BACH2: variants seen among roughly 807,000 people sequenced by gnomAD.
The protein encoded by BACH2 is BACH transcriptional regulator 2, also known as transcription regulator protein BACH2.
Under a neutral mutation model 61.8 loss-of-function variants are expected in BACH2, and 5 were observed. The observed-to-expected ratio is 0.08, with a 90% confidence interval of 0.04 to 0.17. BACH2 has a LOEUF of 0.17. BACH2 is among the 10% of genes least tolerant of loss of function. BACH2 has a pLI of 1.00. For synonymous variants in BACH2, 446 were observed against 440.1 expected (o/e 1.01, Z -0.17); for missense variants, 824 against 1,091.1 (o/e 0.76, Z 3.45).
At chr6:90,128,739 G>C (rs1242899231) in intron 4 of BACH2, among the ~76,000 whole-genome samples, 1 of 152,178 alleles carries the variant, frequency 6.6e-6, no homozygotes, top group Non-Finnish European at 1.5e-5. Flanking sequence ...TATAAACCAT[G>C]CTGCTATAAA....
At chr6:89,955,440 TGAGGGG>T (rs1314641947) in intron 6 of BACH2, among the ~76,000 whole-genome samples, 1 of 152,222 alleles carries the variant, frequency 6.6e-6, no homozygotes, top group African/African-American at 2.4e-5. Flanking sequence ...CTACTGAGGC[TGAGGGG>T]ACTAGCAAGG....
intron 6 of BACH2, among the ~76,000 whole-genome samples, chr6:89,982,106 G>C (rs1044140116): frequency 1.3e-5 from 2 of 152,204 alleles, no homozygotes; most frequent in Non-Finnish European, 2.9e-5. Context: ...AAAGTGTTGG[G>C]ATTACAGGTG....
At chr6:90,251,240 C>T (rs1770798723) in intron 3 of BACH2, among the ~76,000 whole-genome samples, 1 of 151,770 alleles carries the variant, frequency 6.6e-6, no homozygotes, top group African/African-American at 2.4e-5. Context: ...CAGTGTTGAA[C>T]AAACTGCTTT....
chr6:90,046,680 GGA>G (rs1779793250), intron 5 of BACH2, among the ~76,000 whole-genome samples: 1 of 152,192 alleles, frequency 6.6e-6, no homozygotes, highest in Admixed American at 6.5e-5. Flanking sequence ...GGAGCACACT[GGA>G]GAGTTGATTC....
intron 6 of BACH2, among the ~76,000 whole-genome samples, chr6:89,968,586 A>G (rs186010945): frequency 7.4e-4 from 113 of 152,382 alleles, no homozygotes; most frequent in African/African-American, 2.0e-3. Context: ...GGCTAAAGCC[A>G]TAAGTATTTT....
At chr6:90,265,765 C>T (rs1389035195) in intron 2 of BACH2, among the ~76,000 whole-genome samples, 2 of 152,114 alleles carry the variant, frequency 1.3e-5, no homozygotes, top group African/African-American at 4.8e-5. Flanking sequence ...TCTGCATTAT[C>T]AACTCATTTT....
chr6:90,132,589 T>C (rs1250919214), intron 4 of BACH2, among the ~76,000 whole-genome samples: 4 of 152,132 alleles, frequency 2.6e-5, no homozygotes, highest in Non-Finnish European at 5.9e-5. Context: ...ACTCTTACAG[T>C]CATCATTTTT....
intron 6 of BACH2, chr6:89,952,906 A>C (rs1299553940): frequency 6.6e-6 from 1 of 152,266 alleles, no homozygotes; most frequent in Non-Finnish European, 1.5e-5. Flanking sequence ...GGTGTTCATC[A>C]GGGTAAGCTT....
intron 7 of BACH2, among the ~76,000 whole-genome samples, chr6:89,945,500 A>C (rs1357887261): frequency 1.3e-5 from 2 of 152,218 alleles, no homozygotes; most frequent in Non-Finnish European, 2.9e-5. Context: ...CCAAACAAGT[A>C]CATCTACAGA....
At chr6:90,060,956 T>C in intron 5 of BACH2, among the ~76,000 whole-genome samples, 1 of 152,202 alleles carries the variant, frequency 6.6e-6, no homozygotes, top group Middle Eastern at 3.2e-3. Context: ...TAGCTACTTG[T>C]ATTTTTTTTC....
intron 5 of BACH2, among the ~76,000 whole-genome samples, chr6:90,071,349 C>A (rs1165939363): frequency 6.6e-6 from 1 of 152,212 alleles, no homozygotes; most frequent in African/African-American, 2.4e-5. Context: ...ATAATAAGTT[C>A]TGCGAAGGAG....
chr6:90,012,263 G>C (rs1261170825), intron 5 of BACH2, among the ~76,000 whole-genome samples: 1 of 152,122 alleles, frequency 6.6e-6, no homozygotes, highest in African/African-American at 2.4e-5. Context: ...GATGAATTTA[G>C]GAAGAACTGC....
intron 4 of BACH2, among the ~76,000 whole-genome samples, chr6:90,117,552 C>T (rs1293590788): frequency 6.6e-6 from 1 of 151,562 alleles, no homozygotes; most frequent in Non-Finnish European, 1.5e-5. Flanking sequence ...TTTATAGCCT[C>T]CTCCACTCAA....
intron 3 of BACH2, among the ~76,000 whole-genome samples, chr6:90,242,734 T>C (rs1374571560): frequency 6.6e-6 from 1 of 152,202 alleles, no homozygotes; most frequent in African/African-American, 2.4e-5. Context: ...TAACTTAATA[T>C]CTACACAATG....
intron 6 of BACH2, among the ~76,000 whole-genome samples, chr6:89,966,782 G>C (rs984928511): frequency 6.6e-6 from 1 of 152,188 alleles, no homozygotes; most frequent in Non-Finnish European, 1.5e-5. Flanking sequence ...AAATGACATT[G>C]ACAGTGACTG....
rs190100441 is a variant in BACH2 at position 89,982,656 on chromosome 6, A to T, written c.243+25946T>A. Among the ~76,000 whole-genome samples the T allele has an allele frequency of 2.5e-4, 38 of 152,330 alleles. 1 individual carries two copies. The highest frequency in any genetic ancestry group is 9.1e-4 in the African/African-American group (38 of 41,586). On this transcript the variant is annotated intron_variant, in intron 6 of 8. Coordinates refer to ENST00000257749, the MANE Select transcript of BACH2 (RefSeq NM_021813.4). Reference sequence around the variant, plus strand: ...TGTGTACCATAATAAATATCTGAACAATACTTTATGGATTATAAAACACGA... The same window carrying T: ...TGTGTACCATAATAAATATCTGAACTATACTTTATGGATTATAAAACACGA...
At chr6:90,172,756 C>T (rs922756461) in intron 4 of BACH2, among the ~76,000 whole-genome samples, 2 of 152,072 alleles carry the variant, frequency 1.3e-5, no homozygotes, top group Middle Eastern at 3.4e-3. Flanking sequence ...AAAGGACATG[C>T]TTCAGAAAAC....
chr6:90,138,257 C>T (rs1784346209), intron 4 of BACH2, among the ~76,000 whole-genome samples: 1 of 152,352 alleles, frequency 6.6e-6, no homozygotes, highest in East Asian at 1.9e-4. Flanking sequence ...AATCCCAGCA[C>T]TTTGGGAGGT....
At chr6:90,179,270 A>C (rs1256007916) in intron 4 of BACH2, among the ~76,000 whole-genome samples, 2 of 152,222 alleles carry the variant, frequency 1.3e-5, no homozygotes, top group African/African-American at 2.4e-5. Context: ...ATCTGTCATA[A>C]TGAAGATTTT....
Sources: gnomAD v4.1 joint callset for allele counts (sites outside exome capture counted in the v4.1 genomes callset) on GRCh38, gnomAD v4.1.1 for gene constraint, MANE v1.5 for transcripts, NCBI Gene and HGNC (gene_info 2026-07-23, HGNC 2026-07-21) for gene names.